Variants in RASSF5 observed in about 807,000 individuals in gnomAD.
RASSF5 encodes the protein ras association domain-containing protein 5.
A neutral mutation model predicts 40.5 loss-of-function variants in RASSF5; 25 were observed. That is an observed-to-expected ratio of 0.62 (90% CI 0.45 to 0.86). The LOEUF is 0.86. RASSF5 is among the 40% of genes least tolerant of loss of function. The pLI, the probability that RASSF5 is intolerant of heterozygous loss-of-function variation, is 0.00. For synonymous variants in RASSF5, 246 were observed against 252.4 expected (o/e 0.97, Z 0.24); for missense variants, 521 against 572.8 (o/e 0.91, Z 0.92).
chr1:206,511,101 G>A (rs1666603181), intron 1 of RASSF5, among the ~76,000 whole-genome samples: 3 of 152,198 alleles, frequency 2.0e-5, no homozygotes, highest in African/African-American at 7.2e-5. Context: ...TTGTGAACAG[G>A]GAAGTTCAGA....
At chr1:206,515,218 A>G (rs141832620) in intron 1 of RASSF5, among the ~76,000 whole-genome samples, 247 of 152,348 alleles carry the variant, frequency 1.6e-3, no homozygotes, top group African/African-American at 5.6e-3. Context: ...TGAGCCCTAT[A>G]CAAGCTAGAG....
chr1:206,540,469 C>A (rs891454948), intron 2 of RASSF5, among the ~76,000 whole-genome samples: 1 of 152,248 alleles, frequency 6.6e-6, no homozygotes, highest in African/African-American at 2.4e-5. Flanking sequence ...GAGGAAGGAG[C>A]CAAGAACCCC....
chr1:206,553,255 G>A (rs114818636), intron 2 of RASSF5, among the ~76,000 whole-genome samples: 4,535 of 152,154 alleles, frequency 0.03, 101 homozygotes, highest in Non-Finnish European at 0.045. Flanking sequence ...GTGAAAGAAA[G>A]AATAAGCAAG....
chr1:206,570,078 CTTTTTTTTTTT>C lies in RASSF5; in HGVS notation c.580-13175_580-13165del, dbSNP rs375900760. Among the ~76,000 whole-genome samples, 34 of 119,350 alleles carry C rather than the reference CTTTTTTTTTTT, an allele frequency of 2.8e-4. 1 individual carries two copies. The highest frequency in any genetic ancestry group is 5.3e-4 in the East Asian group (2 of 3,758). The allele number at this position is 119,350 out of a possible 152,430, so 78.3% of individuals were successfully genotyped here. Reference sequence around the variant, plus strand: ...AAAATACACATAACATAAAATTTACCTTTTTTTTTTTTTTTTTTTTTTTTTTCCCCAAGACA... The same window carrying C: ...AAAATACACATAACATAAAATTTACCTTTTTTTTTTTTTTTCCCCAAGACA... On this transcript the variant is annotated intron_variant, in intron 2 of 5. Transcript: ENST00000579436.
rs1167138839 is a variant in RASSF5 at position 206,513,403 on chromosome 1, C to T, written c.457+5344C>T. Reference sequence around the variant, plus strand: ...GGGTGGGTGAGTATTTGTGGGTGTGCAAAGCATGCAAGCTCCCCACCCCCA... The same window carrying T: ...GGGTGGGTGAGTATTTGTGGGTGTGTAAAGCATGCAAGCTCCCCACCCCCA... On this transcript the variant is annotated intron_variant, in intron 1 of 5. Transcript: ENST00000579436. This position sits in a 1 kb window ranked among gnomAD's most constrained non-coding sequence, Gnocchi z 5.0. Among the ~76,000 whole-genome samples the T allele has an allele frequency of 6.6e-6, 1 of 152,210 alleles. No homozygotes were observed. The highest frequency in any genetic ancestry group is 2.4e-5 in the African/African-American group (1 of 41,452).
At chr1:206,556,370 C>A (rs967326388) in intron 2 of RASSF5, among the ~76,000 whole-genome samples, 1 of 152,230 alleles carries the variant, frequency 6.6e-6, no homozygotes, top group African/African-American at 2.4e-5. Flanking sequence ...AAATCACTTG[C>A]ACAGAGAGTT....
intron 2 of RASSF5, among the ~76,000 whole-genome samples, chr1:206,558,961 G>A (rs1668070298): frequency 6.6e-6 from 1 of 152,138 alleles, no homozygotes; most frequent in Admixed American, 6.5e-5. Flanking sequence ...TTGCCGCGTG[G>A]TATAAGTCCC....
At chr1:206,544,157 C>T (rs1553399789) in intron 2 of RASSF5, 1 of 152,126 alleles carries the variant, frequency 6.6e-6, no homozygotes, top group East Asian at 1.9e-4. Flanking sequence ...AGACGAAATA[C>T]TTGACATATG....
chr1:206,539,705 G>A (rs1667498572), intron 2 of RASSF5, among the ~76,000 whole-genome samples: 1 of 152,182 alleles, frequency 6.6e-6, no homozygotes, highest in South Asian at 2.1e-4. Flanking sequence ...TGTCTACCCA[G>A]GATGGGACAC....
intron 1 of RASSF5, among the ~76,000 whole-genome samples, chr1:206,523,681 A>ATATAAAATATATTATATAT (rs1553396523): frequency 1.1e-5 from 1 of 89,950 alleles, no homozygotes; most frequent in African/African-American, 5.0e-5. Flanking sequence ...TATTATATAT[A>ATATAAAATATATTATATAT]AATATATTAT....
At position 206,563,368 on chromosome 1, in the gene RASSF5, T is replaced by C. The variant is rs568023046; in HGVS notation, c.580-19901T>C. Reference sequence around the variant, plus strand: ...TAACTGCTTGGTAAAGGACATGACCTGTTTCTTTGACCTTGTACCTCTCTC... The same window carrying C: ...TAACTGCTTGGTAAAGGACATGACCCGTTTCTTTGACCTTGTACCTCTCTC... On this transcript the variant is annotated intron_variant, in intron 2 of 5. Coordinates refer to ENST00000579436, the MANE Select transcript of RASSF5 (RefSeq NM_182663.4). 2.0e-5 allele frequency among the ~76,000 whole-genome samples: 3 copies of C among 152,336 alleles called. No individual in the cohort carries two copies. The East Asian group carries it at 5.8e-4, about 29-fold the overall frequency.
intron 2 of RASSF5, among the ~76,000 whole-genome samples, chr1:206,540,195 T>G (rs918202281): frequency 5.3e-5 from 8 of 152,194 alleles, no homozygotes. Context: ...CAAATGTCAG[T>G]TGGGCGAAGA....
At chr1:206,518,569 G>C (rs542876535) in intron 1 of RASSF5, 40 of 398,760 alleles carry the variant, frequency 1.0e-4, no homozygotes, top group Middle Eastern at 1.3e-3. Context: ...ATCTGACTGG[G>C]GGAGCTTGGG....
chr1:206,553,666 T>C (rs1667908140), intron 2 of RASSF5, among the ~76,000 whole-genome samples: 1 of 152,050 alleles, frequency 6.6e-6, no homozygotes, highest in Non-Finnish European at 1.5e-5. Flanking sequence ...TTGATACCAG[T>C]GGCATAGGTG....
Position 206,507,647 on chromosome 1 carries a change from A to T in RASSF5, c.45A>T (p.Leu15=). 1 of 1,534,406 alleles carries T rather than the reference A, an allele frequency of 6.5e-7. No individual in the cohort carries two copies. Among genetic ancestry groups the T allele is most frequent in the Non-Finnish European group, 8.7e-7 (1 of 1,147,436 alleles). ...SPAIGQRPYP[L]LLDPEPPRYL... ...CCATCGGGCAGCGCCCGTACCCGCT[A>T]CTATTGGACCCCGAGCCGCCGCGCT... is the stretch of plus-strand genomic sequence containing the variant. Residue 15 remains leucine (L), a synonymous_variant, in exon 1 of 6, where the codon CTA becomes CTT. Transcript: ENST00000579436.
At chr1:206,551,572 G>T (rs1392325640) in intron 2 of RASSF5, among the ~76,000 whole-genome samples, 22 of 152,208 alleles carry the variant, frequency 1.4e-4, no homozygotes, top group Admixed American at 1.4e-3. Flanking sequence ...GCCCCAGATG[G>T]GCCCAGCCCA....
rs1199964677 is a variant in RASSF5 at position 206,579,226 on chromosome 1, T to G, written c.580-4043T>G. On this transcript the variant is annotated intron_variant, in intron 2 of 5. Coordinates refer to ENST00000579436, the MANE Select transcript of RASSF5 (RefSeq NM_182663.4). This position sits in a 1 kb window ranked among gnomAD's most constrained non-coding sequence, Gnocchi z 4.2. ...GCCATCTGCCACCAATGCCAGGGGC[T>G]TAATCGGAATAGATGAATTCCATGC... Among the ~76,000 whole-genome samples the G allele has an allele frequency of 1.3e-5, 2 of 152,234 alleles. No individual in the cohort carries two copies. Among genetic ancestry groups the G allele is most frequent in the Non-Finnish European group, 2.9e-5 (2 of 68,032 alleles).
chr1:206,536,255 C>T (rs1355699251), intron 1 of RASSF5, among the ~76,000 whole-genome samples: 1 of 152,168 alleles, frequency 6.6e-6, no homozygotes, highest in Non-Finnish European at 1.5e-5. Flanking sequence ...TGACTTCATT[C>T]ATTTCTGTCT....
rs1005375322 is a variant in RASSF5, at chr1:206,513,031, G to C, written c.457+4972G>C. ...GTGGTAAAGTTAGAACCTCTCGGGC[G>C]GGCCTCATTCTGACAGGTCTTCAAG... On this transcript the variant is annotated intron_variant, in intron 1 of 5. Transcript: ENST00000579436. This position sits in a 1 kb window ranked among gnomAD's most constrained non-coding sequence, Gnocchi z 5.0. Among the ~76,000 whole-genome samples the C allele has an allele frequency of 6.6e-6, 1 of 152,156 alleles. No individual in the cohort carries two copies. The highest frequency in any genetic ancestry group is 2.4e-5 in the African/African-American group (1 of 41,420).
Sources: allele counts gnomAD v4.1 joint callset (sites outside exome capture counted in the v4.1 genomes callset), GRCh38; gene constraint gnomAD v4.1.1; non-coding constraint Gnocchi (gnomAD v3.1); transcripts MANE v1.5; gene names NCBI Gene and HGNC (gene_info 2026-07-23, HGNC 2026-07-21).